CREG2: variants seen among roughly 807,000 people sequenced by gnomAD.
CREG2 encodes the protein cellular repressor of E1A stimulated genes 2, also known as protein CREG2.
In CREG2, 24 loss-of-function variants were observed where a neutral mutation model predicts 26.2. That is an observed-to-expected ratio of 0.92 (90% CI 0.66 to 1.29). CREG2 has a LOEUF of 1.29. Ranked by LOEUF, CREG2 falls within the 50% of genes most tolerant of loss-of-function variation. CREG2 has a pLI of 0.00. For synonymous variants in CREG2, 174 were observed against 169.2 expected, an observed-to-expected ratio of 1.03 and a Z score of -0.22; for missense variants, 366 against 398.6, an observed-to-expected ratio of 0.92 and a Z score of 0.70.
rs1391601060 is a variant in CREG2 at position 101,387,410 on chromosome 2, G to A, written c.48C>T (p.Leu16=). Residue 16 remains leucine (L), a synonymous_variant, in exon 1 of 4, where the codon CTC becomes CTT. Coordinates refer to ENST00000324768, the MANE Select transcript of CREG2 (RefSeq NM_153836.4). The surrounding 1 kb of genome is among the most constrained non-coding windows in gnomAD (Gnocchi z 4.7). ...GGGCGCTGCAGCACAGCAGCCAGGA[G>A]AGGCGGGTCCCCGGCCGCGCCGGCC... ...GRRPARPGTR[L]SWLLCCSALL... The A allele has an allele frequency of 2.3e-6, 3 of 1,332,586 alleles. No individual in the cohort carries two copies. Among genetic ancestry groups the A allele is most frequent in the Admixed American group, 3.0e-5 (1 of 33,238 alleles). The allele number at this position is 1,332,586 out of a possible 1,614,324, so 82.5% of individuals were successfully genotyped here.
At chr2:101,372,262 C>G (rs959259531) in intron 2 of CREG2, among the ~76,000 whole-genome samples, 1 of 152,182 alleles carries the variant, frequency 6.6e-6, no homozygotes, top group Non-Finnish European at 1.5e-5. Context: ...AGAGCCTGTG[C>G]CTTTAAGTGT....
At chr2:101,362,462 T>C (rs923639739) in intron 2 of CREG2, among the ~76,000 whole-genome samples, 2 of 152,240 alleles carry the variant, frequency 1.3e-5, no homozygotes, top group African/African-American at 4.8e-5. Context: ...GCTCACTAAT[T>C]ACAGGGCTTC....
chr2:101,353,327 A>C (rs1684410175), intron 3 of CREG2, among the ~76,000 whole-genome samples: 1 of 152,224 alleles, frequency 6.6e-6, no homozygotes, highest in Non-Finnish European at 1.5e-5. Context: ...TCATGAAGCA[A>C]AAGAAGACAT....
intron 1 of CREG2, among the ~76,000 whole-genome samples, chr2:101,384,772 G>T (rs767175220): frequency 6.6e-6 from 1 of 152,156 alleles, no homozygotes; most frequent in South Asian, 2.1e-4. Context: ...GAGGCAGCAG[G>T]GTTGCTTGAG....
Position 101,350,038 on chromosome 2 carries a change from G to C in CREG2, c.*885C>G, listed in dbSNP as rs1395736083. 6.6e-6 allele frequency: 1 copy of C among 152,252 alleles called. No individual in the cohort carries two copies. Among genetic ancestry groups the C allele is most frequent in the East Asian group, 1.9e-4 (1 of 5,190 alleles). 9.4% of individuals were successfully genotyped at this position (152,252 alleles called of 1,614,324 possible). ...GGCTTCTGTTGAGGGCCTGGCCCAG[G>C]GCCGGGCAGGCAGTGGGCCCTCAGT... On this transcript the variant is annotated 3_prime_UTR_variant, in exon 4 of 4. Coordinates refer to ENST00000324768, the MANE Select transcript of CREG2 (RefSeq NM_153836.4).
In CREG2 at chr2:101,387,403, G is replaced by A; in HGVS notation, c.55C>T (p.Leu19=). The A allele has an allele frequency of 7.8e-7, 1 of 1,286,916 alleles. No individual in the cohort carries two copies. The highest frequency in any genetic ancestry group is 1.0e-6 in the Non-Finnish European group (1 of 998,730). 79.7% of individuals were successfully genotyped at this position (1,286,916 alleles called of 1,614,324 possible). A position where few individuals can be genotyped will look rare whatever the true frequency, so the allele number is the denominator to read the frequency against. Residue 19 remains leucine, a synonymous_variant, in exon 1 of 4, where the codon CTG becomes TTG. Transcript: ENST00000324768. The surrounding 1 kb of genome is among the most constrained non-coding windows in gnomAD (Gnocchi z 4.7). ...PARPGTRLSW[L]LCCSALLSPA... ...GACAGCAGGGCGCTGCAGCACAGCAGCCAGGAGAGGCGGGTCCCCGGCCGC... is the reference window on the plus strand; with the variant it reads ...GACAGCAGGGCGCTGCAGCACAGCAACCAGGAGAGGCGGGTCCCCGGCCGC...
intron 2 of CREG2, among the ~76,000 whole-genome samples, chr2:101,362,626 A>G (rs551397248): frequency 6.6e-6 from 1 of 152,320 alleles, no homozygotes; most frequent in South Asian, 2.1e-4. Context: ...ACCTCCTGCA[A>G]CTTGAGCGAG....
intron 2 of CREG2, among the ~76,000 whole-genome samples, chr2:101,372,317 T>C (rs1395739760): frequency 6.6e-6 from 1 of 152,208 alleles, no homozygotes; most frequent in Admixed American, 6.5e-5. Context: ...TCAGTAAATC[T>C]CATCTGAAGG....
intron 1 of CREG2, among the ~76,000 whole-genome samples, chr2:101,386,194 G>C (rs1684964336): frequency 6.6e-6 from 1 of 152,204 alleles, no homozygotes; most frequent in African/African-American, 2.4e-5. Flanking sequence ...CAGTGACTTG[G>C]CCACAGTCTT....
At chr2:101,383,759 G>T (rs1323834904) in intron 1 of CREG2, 57 bp from the exon 2 acceptor site, 3 of 1,494,430 alleles carry the variant, frequency 2.0e-6, no homozygotes, top group Non-Finnish European at 2.7e-6. Context: ...ACTTGATCTG[G>T]GAGCTTAGCT....
At chr2:101,371,058 A>C (rs1684699142) in intron 2 of CREG2, among the ~76,000 whole-genome samples, 1 of 152,024 alleles carries the variant, frequency 6.6e-6, no homozygotes, top group South Asian at 2.1e-4. Context: ...GGGCAGGCAG[A>C]TCTCTTGCTA....
In CREG2 at chr2:101,354,535, A is replaced by G. The variant is rs577711697; in HGVS notation, c.725+718T>C. Among the ~76,000 whole-genome samples, 7 of 152,062 alleles carry G rather than the reference A, an allele frequency of 4.6e-5. No homozygotes were observed. In the East Asian group the frequency reaches 5.8e-4, roughly 13 times the overall value. Reference sequence around the variant, plus strand: ...TGTTACTCTCCCTCTACTGCAGACCAATGCCTTCTAGCCTGTTTCCATTGC... The same window carrying G: ...TGTTACTCTCCCTCTACTGCAGACCGATGCCTTCTAGCCTGTTTCCATTGC... On this transcript the variant is annotated intron_variant, in intron 3 of 3. Transcript: ENST00000324768.
rs1313026194 is a variant in CREG2, at chr2:101,364,492, A to T, written c.612-9126T>A. On this transcript the variant is annotated intron_variant, in intron 2 of 3. Transcript: ENST00000324768. ...GAAATGCAGGTAAATTTTTCGACTT[A>T]GTGGAGGGAGAGGAGTGAGTTGCCT... Among the ~76,000 whole-genome samples the T allele has an allele frequency of 2.0e-5, 3 of 152,180 alleles. No homozygotes were observed. In the East Asian group the frequency reaches 5.8e-4, roughly 29 times the overall value.
intron 2 of CREG2, among the ~76,000 whole-genome samples, chr2:101,377,186 AC>A (rs1684806082): frequency 1.3e-5 from 2 of 152,260 alleles, no homozygotes; most frequent in South Asian, 4.1e-4. Flanking sequence ...GTGAAAATAT[AC>A]TCTATGAAAA....
chr2:101,355,930 AG>A (rs1684451595), intron 2 of CREG2, among the ~76,000 whole-genome samples: 1 of 152,156 alleles, frequency 6.6e-6, no homozygotes, highest in African/African-American at 2.4e-5. Context: ...GTGGCGAGTC[AG>A]GGTGACGTAC....
intron 3 of CREG2, among the ~76,000 whole-genome samples, chr2:101,353,136 C>T (rs1431240289): frequency 6.6e-6 from 1 of 152,054 alleles, no homozygotes; most frequent in Non-Finnish European, 1.5e-5. Flanking sequence ...GTTTAAGTTC[C>T]TTGTAGATTT....
chr2:101,382,767 T>C (rs1200406457), intron 2 of CREG2: 16 of 985,320 alleles, frequency 1.6e-5, no homozygotes, highest in Non-Finnish European at 1.9e-5. Flanking sequence ...GGATGAGGCC[T>C]GTTGATTTTC....
intron 1 of CREG2, among the ~76,000 whole-genome samples, chr2:101,385,998 G>T (rs951880460): frequency 2.6e-5 from 4 of 152,206 alleles, no homozygotes; most frequent in Admixed American, 6.5e-5. Context: ...TCTTAGGAGT[G>T]CAAGATACAG....
At chr2:101,382,653 T>G (rs989182041) in intron 2 of CREG2, 2 of 985,446 alleles carry the variant, frequency 2.0e-6, no homozygotes, top group South Asian at 4.7e-5. Context: ...AGGATGCATC[T>G]TGCATTGTAT....
Sources: allele counts gnomAD v4.1 joint callset (sites outside exome capture counted in the v4.1 genomes callset), GRCh38; gene constraint gnomAD v4.1.1; non-coding constraint Gnocchi (gnomAD v3.1); transcripts MANE v1.5; gene names NCBI Gene and HGNC (gene_info 2026-07-23, HGNC 2026-07-21).